Variants in VPS28 observed in about 807,000 individuals in gnomAD.
VPS28 encodes the protein vacuolar protein sorting-associated protein 28 homolog.
A neutral mutation model predicts 33.7 loss-of-function variants in VPS28; 29 were observed. The observed-to-expected ratio is 0.86, with a 90% CI of 0.64 to 1.17. The LOEUF (loss-of-function observed/expected upper bound fraction) is 1.17. VPS28 is among the 50% of genes most tolerant of loss of function. The pLI, the probability that VPS28 is intolerant of heterozygous loss-of-function variation, is 0.00. For synonymous variants in VPS28, 164 were observed against 116.7 expected (o/e 1.40, Z -2.61); for missense variants, 247 against 312.2 (o/e 0.79, Z 1.57).
At chr8:144,426,870 G>T in intron 2 of VPS28, 39 bp downstream of exon 2, 3 of 1,610,920 alleles carry the variant, frequency 1.9e-6, no homozygotes, top group South Asian at 1.1e-5. Flanking sequence ...AGCCCCTGCA[G>T]AAGCGGCTGA....
At chr8:144,426,365 CT>C in intron 2 of VPS28, 157 bp from the exon 3 acceptor site, 4 of 999,520 alleles carry the variant, frequency 4.0e-6, no homozygotes, top group East Asian at 2.8e-5. Flanking sequence ...AACCTCACCC[CT>C]ATCAGTGTGT....
chr8:144,426,828 C>A, intron 2 of VPS28, 81 bp downstream of exon 2: 8 of 1,527,332 alleles, frequency 5.2e-6, no homozygotes, highest in Non-Finnish European at 6.3e-6. Context: ...TACCTCCCCA[C>A]CCCCGATCCC....
At position 144,423,831 on chromosome 8, in the gene VPS28, C is replaced by T; in HGVS notation, c.640G>A (p.Ala214Thr). The change falls in exon 10 of 10, where the codon GCC (alanine) becomes ACC (threonine). Residue 214 changes from alanine to threonine, a missense_variant. This residue lies in a region of VPS28 where 95 missense variants were observed against 118.3 expected (regional missense o/e 0.80). Transcript: ENST00000292510. Reference sequence around the variant, plus strand: ...CAGGCATGCAGGAAGCGGTTGAAGGCGTTGTAGGCTGACTCCAGGTCGAAC... The same window carrying T: ...CAGGCATGCAGGAAGCGGTTGAAGGTGTTGTAGGCTGACTCCAGGTCGAAC... ...MLFDLESAYN[A>T]FNRFLHA 1 of 1,613,126 alleles carries T rather than the reference C, an allele frequency of 6.2e-7. No homozygotes were observed. The highest frequency in any genetic ancestry group is 2.2e-5 in the East Asian group (1 of 44,894).
chr8:144,425,660 C>T, intron 5 of VPS28, 23 bp downstream of exon 5: 2 of 1,612,892 alleles, frequency 1.2e-6, no homozygotes, highest in Non-Finnish European at 1.7e-6. Flanking sequence ...CAGGAACAGA[C>T]CTCCCAGGAC....
chr8:144,426,414 G>T (rs1405552787), intron 2 of VPS28: 1 of 630,148 alleles, frequency 1.6e-6, no homozygotes, highest in Non-Finnish European at 2.5e-6. Flanking sequence ...GAAGCCGGGG[G>T]CCGCATGACA....
At chr8:144,426,685 C>T in intron 2 of VPS28, 3 of 554,240 alleles carry the variant, frequency 5.4e-6, no homozygotes, top group Admixed American at 3.3e-5. Context: ...CCGTTCTGGC[C>T]ACACCGAAGC....
chr8:144,426,416 C>T (rs1392268795), intron 2 of VPS28: 7 of 610,638 alleles, frequency 1.1e-5, no homozygotes, highest in Non-Finnish European at 1.6e-5. Flanking sequence ...AGCCGGGGGC[C>T]GCATGACAGG....
chr8:144,427,347 G>A (rs1366222679), intron 1 of VPS28: 2 of 176,694 alleles, frequency 1.1e-5, no homozygotes, highest in Non-Finnish European at 2.4e-5. Context: ...AAGACAGCCC[G>A]TAAGTGCCAG....
intron 1 of VPS28, 192 bp from the exon 2 acceptor site, chr8:144,427,171 CG>C (rs1235149192): frequency 2.4e-6 from 1 of 415,878 alleles, no homozygotes; most frequent in East Asian, 4.9e-5. Flanking sequence ...TTGTGGCATA[CG>C]GTTGTAATCC....
intron 2 of VPS28, 141 bp from the exon 3 acceptor site, chr8:144,426,349 G>A: frequency 2.6e-6 from 3 of 1,142,122 alleles, no homozygotes; most frequent in Non-Finnish European, 2.4e-6. Context: ...GGAGCACAGA[G>A]GTTCCAACCT....
rs943475880 is a variant in VPS28, at chr8:144,423,656, C to T, written c.*149G>A. Reference sequence around the variant, plus strand: ...ATCTTTATTGTGGGGAGGGGCCCGGCCCCCAAAGTTCTGACACCAAAGACA... The same window carrying T: ...ATCTTTATTGTGGGGAGGGGCCCGGTCCCCAAAGTTCTGACACCAAAGACA... On this transcript the variant is annotated 3_prime_UTR_variant, in exon 10 of 10. Coordinates refer to ENST00000292510, the MANE Select transcript of VPS28 (RefSeq NM_016208.4). 11 of 1,033,160 alleles carry T rather than the reference C, an allele frequency of 1.1e-5. No homozygotes were observed. Among genetic ancestry groups the T allele is most frequent in the African/African-American group, 1.6e-5 (1 of 62,654 alleles). 64.0% of individuals were successfully genotyped at this position (1,033,160 alleles called of 1,614,324 possible).
chr8:144,425,568 G>C, intron 5 of VPS28, 115 bp downstream of exon 5: 2 of 1,124,236 alleles, frequency 1.8e-6, no homozygotes, highest in South Asian at 1.4e-5. Context: ...CCTCACGCTG[G>C]GTGGGCCCCA....
At chr8:144,425,462 G>C in intron 5 of VPS28, 1 of 593,256 alleles carries the variant, frequency 1.7e-6, no homozygotes, top group Non-Finnish European at 3.0e-6. Flanking sequence ...GGATGAGGGT[G>C]GGGGAGTGGG....
At chr8:144,426,249 G>A (rs1413129468) in intron 2 of VPS28, 41 bp from the exon 3 acceptor site, 2 of 1,561,360 alleles carry the variant, frequency 1.3e-6, no homozygotes, top group Non-Finnish European at 1.7e-6. Context: ...GGCCCCAAAG[G>A]GAACCCAAGG....
rs550810597 is a variant in VPS28, at chr8:144,428,014, G to C, written c.-35+475C>G. ...TAACTGGGAGTGGACGGTGCTACCG[G>C]GGATGGGAGAAGAGCAGAAGTGAGG... On this transcript the variant is annotated intron_variant, in intron 1 of 9. Transcript: ENST00000292510. 3.3e-5 allele frequency among the ~76,000 whole-genome samples: 5 copies of C among 152,280 alleles called. No homozygotes were observed. In the South Asian group the frequency reaches 8.3e-4, roughly 25 times the overall value.
At position 144,425,859 on chromosome 8, in the gene VPS28, C is replaced by T. The variant is rs1418674527; in HGVS notation, c.105-87G>A. The T allele has an allele frequency of 2.8e-5, 44 of 1,586,304 alleles. No homozygotes were observed. The South Asian group carries it at 3.8e-4, about 14-fold the overall frequency. ...TACCCCCTGCCCGGAGGTGCCACTGCGGGCGCTCTGCCCACCTCTTGCTCC... is the reference window on the plus strand; with the variant it reads ...TACCCCCTGCCCGGAGGTGCCACTGTGGGCGCTCTGCCCACCTCTTGCTCC... On this transcript the variant is annotated intron_variant, in intron 4 of 9. Transcript: ENST00000292510.
intron 2 of VPS28, chr8:144,426,582 G>A (rs1822765312): frequency 2.2e-6 from 1 of 449,566 alleles, no homozygotes; most frequent in Non-Finnish European, 4.0e-6. Context: ...CAGTGGCCAC[G>A]CCCTGCTCGT....
At chr8:144,424,889 C>A in intron 6 of VPS28, 57 bp downstream of exon 6, 1 of 1,610,506 alleles carries the variant, frequency 6.2e-7, no homozygotes, top group Non-Finnish European at 8.5e-7. Flanking sequence ...CCCTCTGGCA[C>A]CCCATACCCA....
At chr8:144,426,105 G>A (rs1389891997) in intron 3 of VPS28, 42 bp from the exon 4 acceptor site, 16 of 1,564,136 alleles carry the variant, frequency 1.0e-5, no homozygotes, top group Non-Finnish European at 1.3e-5. Context: ...GCCAACAGGG[G>A]CTGCAGGACC....
Sources: gnomAD v4.1 joint callset for allele counts (sites outside exome capture counted in the v4.1 genomes callset) on GRCh38, gnomAD v4.1.1 for gene constraint, gnomAD v4.1.1 regional missense constraint, MANE v1.5 for transcripts, NCBI Gene and HGNC (gene_info 2026-07-23, HGNC 2026-07-21) for gene names.